Variants in VWF observed in about 807,000 individuals in gnomAD.
The protein encoded by VWF is Factor VIII related antigen.
In VWF, 176 loss-of-function variants were observed where a neutral mutation model predicts 308.6. That is an observed-to-expected ratio of 0.57 (90% CI 0.50 to 0.65). The LOEUF (loss-of-function observed/expected upper bound fraction) is 0.65, where lower values mean the gene tolerates loss of function less well. Ranked by LOEUF, VWF falls within the 30% of genes least tolerant of loss-of-function variation. The pLI is 0.00. For missense variants in VWF, 3,146 were observed against 3,648.2 expected, an observed-to-expected ratio of 0.86 and a Z score of 3.55; for synonymous variants, 1,385 against 1,443.4, an observed-to-expected ratio of 0.96 and a Z score of 0.92.
At chr12:6,112,260 G>A (rs537626468) in intron 3 of VWF, among the ~76,000 whole-genome samples, 3 of 152,274 alleles carry the variant, frequency 2.0e-5, no homozygotes, top group South Asian at 4.2e-4. Context: ...GTGATGGGAC[G>A]GTGGCCAGCA....
chr12:6,082,703 TC>T (rs1252689512), intron 6 of VWF, among the ~76,000 whole-genome samples: 13 of 152,222 alleles, frequency 8.5e-5, no homozygotes, highest in African/African-American at 3.1e-4. Flanking sequence ...TCTTTTTCTG[TC>T]CATAAATCTT....
chr12:6,018,286 T>A (rs961985004), intron 28 of VWF, 79 bp downstream of exon 28: 66 of 1,526,810 alleles, frequency 4.3e-5, no homozygotes, highest in Non-Finnish European at 5.6e-5. Context: ...CCGAGTCGTA[T>A]CTTGGCAGAT....
chr12:5,972,138 G>A (rs571992844), intron 43 of VWF, among the ~76,000 whole-genome samples: 1 of 152,280 alleles, frequency 6.6e-6, no homozygotes, highest in Admixed American at 6.5e-5. Context: ...ACGAACACTC[G>A]ATCCCAATAC....
intron 43 of VWF, among the ~76,000 whole-genome samples, chr12:5,975,709 G>T (rs1277709394): frequency 1.3e-5 from 2 of 152,158 alleles, no homozygotes; most frequent in African/African-American, 4.8e-5. Flanking sequence ...CTCTTTTCTA[G>T]GCATTTAGTC....
chr12:6,014,356 C>G (rs1944033982), intron 31 of VWF, among the ~76,000 whole-genome samples: 2 of 152,216 alleles, frequency 1.3e-5, no homozygotes, highest in South Asian at 4.1e-4. Context: ...GCCACTGCAG[C>G]TGCTGTGCTG....
In VWF at chr12:6,029,460, T is replaced by C; in HGVS notation, c.2849A>G (p.Glu950Gly). ...EVNVKRPMKD[E>G]THFEVVESGR... is the part of the protein sequence containing the mutation. ...AGACTCCACCACCTCAAAGTGAGTC[T>C]CATCCTTCATGGGCCTCTTCACATT... is the stretch of plus-strand genomic sequence containing the variant. The change falls in exon 22 of 52, where the codon GAG (glutamate) becomes GGG (glycine). Residue 950 changes from glutamate to glycine, a missense_variant. Around this residue, in one of 3 missense-constraint regions of VWF, gnomAD observed 1,304 missense variants for 1,353.0 expected, o/e 0.96. Transcript: ENST00000261405. 1 of 1,614,142 alleles carries C rather than the reference T, an allele frequency of 6.2e-7. No homozygotes were observed. The highest frequency in any genetic ancestry group is 8.5e-7 in the Non-Finnish European group (1 of 1,180,022).
Position 6,022,068 on chromosome 12 carries a change from C to A in VWF, c.3539-33G>T, listed in dbSNP as rs148995386. Reference sequence around the variant, plus strand: ...AGAAAGCTCTCATTAGGAACCAAAACGCTCCCCTTTCCCACGAGGAAGCCT... The same window carrying A: ...AGAAAGCTCTCATTAGGAACCAAAAAGCTCCCCTTTCCCACGAGGAAGCCT... On this transcript the variant is annotated intron_variant, in intron 26 of 51. Transcript: ENST00000261405. The A allele has an allele frequency of 7.4e-6, 12 of 1,613,574 alleles. No homozygotes were observed. The Admixed American group carries it at 2.0e-4, about 27-fold the overall frequency.
At chr12:6,114,374 C>T (rs1460649053) in intron 3 of VWF, among the ~76,000 whole-genome samples, 1 of 152,160 alleles carries the variant, frequency 6.6e-6, no homozygotes, top group East Asian at 1.9e-4. Context: ...CAGAGCTGAG[C>T]GGGTGCCACA....
chr12:6,117,988 G>A (rs771214600), intron 3 of VWF, among the ~76,000 whole-genome samples: 1 of 152,186 alleles, frequency 6.6e-6, no homozygotes, highest in Non-Finnish European at 1.5e-5. Context: ...GACGGAAACC[G>A]ACCAGTGAGC....
At chr12:5,989,587 T>C (rs987616470) in intron 38 of VWF, among the ~76,000 whole-genome samples, 5 of 152,244 alleles carry the variant, frequency 3.3e-5, no homozygotes, top group African/African-American at 4.8e-5. Flanking sequence ...AGACGGTTTC[T>C]ACATCCAAAA....
intron 33 of VWF, 110 bp downstream of exon 33, chr12:6,011,977 G>A (rs1944000915): frequency 1.4e-6 from 2 of 1,436,252 alleles, no homozygotes; most frequent in Admixed American, 1.7e-5. Flanking sequence ...CAAGATAATA[G>A]TAAAAGGAAG....
At chr12:6,119,825 A>G (rs1285098545) in intron 3 of VWF, among the ~76,000 whole-genome samples, 1 of 152,192 alleles carries the variant, frequency 6.6e-6, no homozygotes, top group African/African-American at 2.4e-5. Context: ...CAGCCTGGGC[A>G]ACAGAGCAAG....
At chr12:5,990,183 C>T (rs1323939368) in intron 38 of VWF, among the ~76,000 whole-genome samples, 19 of 152,090 alleles carry the variant, frequency 1.2e-4, no homozygotes, top group Admixed American at 1.2e-3. Flanking sequence ...AAGTAATAGC[C>T]CTAATGGATA....
intron 6 of VWF, among the ~76,000 whole-genome samples, chr12:6,092,638 T>TGAGAGAGAGAGA (rs1565386761): frequency 3.0e-5 from 3 of 99,374 alleles, no homozygotes; most frequent in African/African-American, 2.7e-4. Context: ...TGTGTGTGTG[T>TGAGAGAGAGAGA]GTGTGTGTGT....
chr12:6,098,711 G>A lies in VWF; in HGVS notation c.533-3127C>T, dbSNP rs567743172. Among the ~76,000 whole-genome samples, 11 of 151,966 alleles carry A rather than the reference G, an allele frequency of 7.2e-5. No homozygotes were observed. In the East Asian group the frequency reaches 1.4e-3, roughly 19 times the overall value. On this transcript the variant is annotated intron_variant, in intron 5 of 51. Transcript: ENST00000261405. ...GGAGAATGGTGTGAACCTGGGAGGC[G>A]GACCTTGCAGTGAGCCAAGATGGCA... is the stretch of plus-strand genomic sequence containing the variant.
intron 5 of VWF, among the ~76,000 whole-genome samples, chr12:6,105,001 C>T (rs1184287865): frequency 6.6e-6 from 1 of 152,004 alleles, no homozygotes; most frequent in Admixed American, 6.6e-5. Flanking sequence ...CACATAAAGT[C>T]AAATATGACA....
intron 10 of VWF, among the ~76,000 whole-genome samples, chr12:6,065,870 C>T (rs2136463807): frequency 6.6e-6 from 1 of 152,312 alleles, no homozygotes; most frequent in South Asian, 2.1e-4. Context: ...GGGACTCCAT[C>T]CTCCTCACCA....
chr12:5,961,628 T>C (rs1473978180), intron 47 of VWF, among the ~76,000 whole-genome samples: 2 of 145,196 alleles, frequency 1.4e-5, no homozygotes, highest in Non-Finnish European at 3.0e-5. Flanking sequence ...AACTAATAAG[T>C]GAATTTAGCA....
rs1356078455 is a variant in VWF at position 5,985,546 on chromosome 12, G to A, written c.6901+17C>T. The stretch of plus-strand genomic sequence containing the variant: ...CTTGTTCCTCCATGAAGGCACCAGG[G>A]AGGGGAGGACTCTCACCTTTGGCCG... On this transcript the variant is annotated intron_variant, in intron 39 of 51. Transcript: ENST00000261405. 3.1e-6 allele frequency: 5 copies of A among 1,612,152 alleles called. No individual in the cohort carries two copies. The highest frequency in any genetic ancestry group is 4.2e-6 in the Non-Finnish European group (5 of 1,178,874).
Sources: gnomAD v4.1 joint callset for allele counts (sites outside exome capture counted in the v4.1 genomes callset) on GRCh38, gnomAD v4.1.1 for gene constraint, gnomAD v4.1.1 regional missense constraint, MANE v1.5 for transcripts, NCBI Gene and HGNC (gene_info 2026-07-23, HGNC 2026-07-21) for gene names.